Variants in RANBP2 observed in about 807,000 individuals in gnomAD.
The protein encoded by RANBP2 is E3 SUMO-protein ligase RanBP2.
In RANBP2, 57 loss-of-function variants were observed where a neutral mutation model predicts 303.6. The ratio of observed to expected loss-of-function variants is 0.19; its 90% CI spans 0.15 to 0.23. The LOEUF is 0.23. RANBP2 is among the 10% of genes least tolerant of loss of function. The pLI is 1.00. For synonymous variants in RANBP2, 1,167 were observed against 1,301.5 expected (o/e 0.90, Z 2.23); for missense variants, 3,138 against 3,780.8 (o/e 0.83, Z 4.46).
At chr2:109,522,593 C>G in the RANBP2 span, among the ~76,000 whole-genome samples, 1 of 106,338 alleles carries the variant, frequency 9.4e-6, no homozygotes, top group East Asian at 2.8e-4. Flanking sequence ...CATGAGACAC[C>G]GTGCCCAGCC....
chr2:108,753,333 G>T, intron 13 of RANBP2, 93 bp from the exon 14 acceptor site: 1 of 1,601,490 alleles, frequency 6.2e-7, no homozygotes, highest in Non-Finnish European at 8.5e-7. Context: ...TGAGATGTTT[G>T]TCTCTTAAGA....
At chr2:109,176,178 A>G in the RANBP2 span, among the ~76,000 whole-genome samples, 1 of 152,210 alleles carries the variant, frequency 6.6e-6, no homozygotes, top group Non-Finnish European at 1.5e-5. Context: ...AATAACCAAC[A>G]TACAACCAGT....
At chr2:109,614,697 C>G in the RANBP2 span, 14 of 1,488,386 alleles carry the variant, frequency 9.4e-6, 1 homozygote, top group South Asian at 2.5e-5. Flanking sequence ...GCGCGTCGAT[C>G]CCGCCGACGG....
the RANBP2 span, among the ~76,000 whole-genome samples, chr2:108,908,631 G>A: frequency 1.3e-5 from 2 of 152,168 alleles, no homozygotes; most frequent in Non-Finnish European, 2.9e-5. Context: ...GGTTCATGCC[G>A]CCCTGTGGCT....
chr2:109,095,311 A>G, the RANBP2 span, among the ~76,000 whole-genome samples: 23 of 152,266 alleles, frequency 1.5e-4, no homozygotes, highest in Admixed American at 1.4e-3. Context: ...ATTGTAACAT[A>G]TAATCGAGAC....
chr2:109,436,888 C>T, the RANBP2 span: 1 of 1,612,572 alleles, frequency 6.2e-7, no homozygotes, highest in Non-Finnish European at 8.5e-7. Context: ...GCTTTCTCTC[C>T]ACAGGGTGCC....
chr2:108,740,353 G>A (rs1695979465), intron 6 of RANBP2, 136 bp from the exon 7 acceptor site: 6 of 1,363,320 alleles, frequency 4.4e-6, no homozygotes, highest in African/African-American at 4.3e-5. Context: ...TTTATAACAT[G>A]GGGAATAAGA....
chr2:108,888,828 C>T, the RANBP2 span, among the ~76,000 whole-genome samples: 1 of 151,476 alleles, frequency 6.6e-6, no homozygotes, highest in Admixed American at 6.6e-5. Context: ...TTTATTATTT[C>T]TTTTTGTCTA....
the RANBP2 span, among the ~76,000 whole-genome samples, chr2:109,223,016 C>T: frequency 6.6e-6 from 1 of 152,252 alleles, no homozygotes. Flanking sequence ...GAAGAGGGCA[C>T]TGTCCGCCCC....
the RANBP2 span, among the ~76,000 whole-genome samples, chr2:109,099,835 T>C: frequency 6.6e-6 from 1 of 152,224 alleles, no homozygotes; most frequent in Non-Finnish European, 1.5e-5. Flanking sequence ...TTTCAGTTTG[T>C]CATCCTCTTA....
the RANBP2 span, among the ~76,000 whole-genome samples, chr2:108,844,999 G>C: frequency 6.6e-6 from 1 of 151,890 alleles, no homozygotes. Flanking sequence ...GCCTGCCTTG[G>C]CTTCCCAAAG....
the RANBP2 span, among the ~76,000 whole-genome samples, chr2:109,094,522 G>A: frequency 3.3e-5 from 5 of 152,112 alleles, no homozygotes; most frequent in African/African-American, 1.2e-4. Context: ...TGTGTTGTGT[G>A]TGTGATGTTT....
intron 9 of RANBP2, among the ~76,000 whole-genome samples, chr2:108,749,863 G>C (rs1373657058): frequency 6.6e-6 from 1 of 152,114 alleles, no homozygotes; most frequent in Non-Finnish European, 1.5e-5. Context: ...AAAGTGTTGG[G>C]ATTAGGCCTG....
At chr2:109,600,195 C>T in the RANBP2 span, among the ~76,000 whole-genome samples, 2 of 152,106 alleles carry the variant, frequency 1.3e-5, no homozygotes, top group Non-Finnish European at 2.9e-5. Context: ...CTCAATTGGG[C>T]TTCCTCCCTT....
the RANBP2 span, among the ~76,000 whole-genome samples, chr2:109,197,208 A>C: frequency 0.13 from 19,175 of 152,100 alleles, 1,504 homozygotes; most frequent in Middle Eastern, 0.19. Context: ...CTTCCTGCCA[A>C]CTCACTGCAG....
the RANBP2 span, among the ~76,000 whole-genome samples, chr2:109,098,815 C>G: frequency 6.6e-6 from 1 of 152,226 alleles, no homozygotes; most frequent in Non-Finnish European, 1.5e-5. Flanking sequence ...CTGTGTCTGT[C>G]TGTCCTGGGA....
chr2:109,413,804 G>C, the RANBP2 span, among the ~76,000 whole-genome samples: 2 of 152,312 alleles, frequency 1.3e-5, no homozygotes, highest in South Asian at 2.1e-4. Flanking sequence ...CCAGGGGACT[G>C]TGGGTCCACT....
chr2:108,798,338 C>G, the RANBP2 span: 2 of 1,446,432 alleles, frequency 1.4e-6, no homozygotes, highest in Non-Finnish European at 1.9e-6. Flanking sequence ...CTGAAAACCA[C>G]TTGGTTAAAC....
the RANBP2 span, chr2:109,371,583 C>T: frequency 1.2e-6 from 2 of 1,613,666 alleles, no homozygotes; most frequent in East Asian, 2.2e-5. Flanking sequence ...CCCGGAACTG[C>T]AGGACGAGAT....
Sources: allele counts gnomAD v4.1 joint callset (sites outside exome capture counted in the v4.1 genomes callset), GRCh38; gene constraint gnomAD v4.1.1; transcripts MANE v1.5; gene names NCBI Gene and HGNC (gene_info 2026-07-23, HGNC 2026-07-21).